Variants in MIOS observed in about 807,000 individuals in gnomAD.
MIOS encodes meiosis regulator for oocyte development, also known as GATOR2 complex protein MIOS.
MIOS carries 52 observed loss-of-function variants against 96.9 expected under a neutral mutation model. The observed-to-expected ratio is 0.54, with a 90% CI of 0.43 to 0.68. The LOEUF (loss-of-function observed/expected upper bound fraction) is 0.68. Ranked by LOEUF, MIOS falls within the 30% of genes least tolerant of loss-of-function variation. The pLI is 0.00. For synonymous variants in MIOS, 397 were observed against 359.5 expected, an observed-to-expected ratio of 1.10 and a Z score of -1.18; for missense variants, 1,005 against 1,052.8, an observed-to-expected ratio of 0.95 and a Z score of 0.63.
chr7:7,596,575 A>G (rs1245113403), intron 11 of MIOS, 114 bp downstream of exon 11: 2 of 1,029,110 alleles, frequency 1.9e-6, no homozygotes, highest in African/African-American at 1.6e-5. Flanking sequence ...AAGAAAGGGC[A>G]GTTTACTAGC....
At position 7,595,039 on chromosome 7, in the gene MIOS, A is replaced by T; in HGVS notation, c.2103A>T (p.Arg701Ser). ...ERVQYWIENY[R>S]NLLDAWRFWH... is the part of the protein sequence containing the mutation. ...TTCAGTACTGGATTGAGAATTATAG[A>T]AATTTATTAGATGCCTGGAGGTTTT... is the stretch of plus-strand genomic sequence containing the variant. The change falls in exon 10 of 13, where the codon AGA (arginine) becomes AGT (serine). Residue 701 changes from arginine (R) to serine (S), a missense_variant. Physicochemically the swap from Arg to Ser is moderately radical, Grantham distance 110. This residue lies in a region of MIOS where 865 missense variants were observed against 887.9 expected (regional missense o/e 0.97). Transcript: ENST00000340080. 6.2e-7 allele frequency: 1 copy of T among 1,613,868 alleles called. No individual in the cohort carries two copies. Among genetic ancestry groups the T allele is most frequent in the Non-Finnish European group, 8.5e-7 (1 of 1,179,802 alleles).
rs567905454 is a variant in MIOS, at chr7:7,570,199, A to G, written c.-41+2076A>G. Among the ~76,000 whole-genome samples, 3 of 152,322 alleles carry G rather than the reference A, an allele frequency of 2.0e-5. 1 individual carries two copies. The South Asian group carries it at 6.2e-4, about 32-fold the overall frequency. On this transcript the variant is annotated intron_variant, in intron 3 of 12. Coordinates refer to ENST00000340080, the MANE Select transcript of MIOS (RefSeq NM_019005.4). ...ACTGAAATCAGTTTTCAGAGGCTTG[A>G]GACTATCCTCTGTGTGGTAGCACTT...
chr7:7,601,911 G>T (rs1328002404), intron 11 of MIOS, among the ~76,000 whole-genome samples: 3 of 152,188 alleles, frequency 2.0e-5, no homozygotes, highest in Non-Finnish European at 4.4e-5. Flanking sequence ...TGCAAGGCTG[G>T]TTCAACATAC....
intron 11 of MIOS, among the ~76,000 whole-genome samples, chr7:7,598,357 T>C (rs942357880): frequency 3.9e-5 from 6 of 152,238 alleles, no homozygotes; most frequent in African/African-American, 1.4e-4. Context: ...TTAACATTTA[T>C]GAAAGACTTG....
rs142323728 is a variant in MIOS, at chr7:7,608,353, G to C, written c.*1261G>C. The C allele has an allele frequency of 6.6e-6, 1 of 151,940 alleles. No individual in the cohort carries two copies. The highest frequency in any genetic ancestry group is 1.5e-5 in the Non-Finnish European group (1 of 67,908). 9.4% of individuals were successfully genotyped at this position (151,940 alleles called of 1,614,324 possible). ...TAAAACAAGAATTTTAAGAGCTTTC[G>C]TATTAGCAGTTTTGCCTTATAAAAA... On this transcript the variant is annotated 3_prime_UTR_variant, in exon 13 of 13. Coordinates refer to ENST00000340080, the MANE Select transcript of MIOS (RefSeq NM_019005.4).
intron 7 of MIOS, among the ~76,000 whole-genome samples, chr7:7,588,083 C>T (rs1377655523): frequency 2.0e-5 from 3 of 152,094 alleles, no homozygotes; most frequent in African/African-American, 7.2e-5. Context: ...GTAGCCAATT[C>T]ACAAATTTCT....
In MIOS at chr7:7,607,382, A is replaced by C. The variant is rs1344498331; in HGVS notation, c.*290A>C. On this transcript the variant is annotated 3_prime_UTR_variant, in exon 13 of 13. Transcript: ENST00000340080. The stretch of plus-strand genomic sequence containing the variant: ...TGGTTGAAATTATGAACACTCTAGA[A>C]GCAGAATTTCTGGAAGAGCCAAGAA... The C allele has an allele frequency of 4.8e-6, 1 of 206,194 alleles. No individual in the cohort carries two copies. The highest frequency in any genetic ancestry group is 2.3e-5 in the African/African-American group (1 of 43,054). The allele number at this position is 206,194 out of a possible 1,614,324, so 12.8% of individuals were successfully genotyped here. A position where few individuals can be genotyped will look rare whatever the true frequency, so the allele number is the denominator to read the frequency against.
intron 11 of MIOS, among the ~76,000 whole-genome samples, chr7:7,597,517 T>TATATAAAAAA (rs372634070): frequency 0.015 from 1,051 of 70,422 alleles, 236 homozygotes; most frequent in East Asian, 0.035. Context: ...TATATATATA[T>TATATAAAAAA]GAAGGCAATA....
rs1420903289 is a variant in MIOS, at chr7:7,593,883, AAAAAAAAAAAAAG to A, written c.2044-1091_2044-1079del. On this transcript the variant is annotated intron_variant, in intron 9 of 12. Transcript: ENST00000340080. The stretch of plus-strand genomic sequence containing the variant: ...GACAGAGTGAGACTCTGTCTCCAAA[AAAAAAAAAAAAAG>A]AAAAAGAAAAGAAAAAAAGAAAACC... Among the ~76,000 whole-genome samples the A allele has an allele frequency of 4.6e-4, 59 of 128,118 alleles. 1 individual carries two copies. The highest frequency in any genetic ancestry group is 6.7e-4 in the Admixed American group (9 of 13,462). 84.1% of individuals were successfully genotyped at this position (128,118 alleles called of 152,430 possible). A position where few individuals can be genotyped will look rare whatever the true frequency, so the allele number is the denominator to read the frequency against.
At chr7:7,597,502 ATATATATATAT>A (rs1563041017) in intron 11 of MIOS, among the ~76,000 whole-genome samples, 4 of 72,748 alleles carry the variant, frequency 5.5e-5, no homozygotes, top group Non-Finnish European at 8.1e-5. Flanking sequence ...ATATATATAT[ATATATATATAT>A]ATATGAAGGC....
Position 7,573,450 on chromosome 7 carries a change from T to C in MIOS, c.975T>C (p.Ile325=). The C allele has an allele frequency of 6.2e-7, 1 of 1,614,142 alleles. No homozygotes were observed. Among genetic ancestry groups the C allele is most frequent in the Non-Finnish European group, 8.5e-7 (1 of 1,179,970 alleles). The stretch of plus-strand genomic sequence containing the variant: ...GTGTGCAACCTTGTGACAATTACAT[T>C]GCTTCCTTTGCGTGGCATCCAACAA... The part of the protein sequence containing the change: ...ERSVQPCDNY[I]ASFAWHPTSQ... Residue 325 remains isoleucine, a synonymous_variant, in exon 4 of 13, where the codon ATT becomes ATC. Transcript: ENST00000340080. This position sits in a 1 kb window ranked among gnomAD's most constrained non-coding sequence, Gnocchi z 5.0.
At chr7:7,606,110 T>C (rs553636686) in intron 12 of MIOS, 39 bp downstream of exon 12, 4 of 1,610,518 alleles carry the variant, frequency 2.5e-6, no homozygotes, top group East Asian at 4.5e-5. Context: ...CTTGGAGTTA[T>C]GGGGGATAAC....
At chr7:7,589,699 T>A in intron 9 of MIOS, 136 bp downstream of exon 9, 2 of 877,918 alleles carry the variant, frequency 2.3e-6, no homozygotes, top group Non-Finnish European at 3.4e-6. Flanking sequence ...TCAGTTGATC[T>A]ACTGAAGACT....
chr7:7,598,479 C>T lies in MIOS; in HGVS notation c.2401+2018C>T, dbSNP rs543975928. On this transcript the variant is annotated intron_variant, in intron 11 of 12. Coordinates refer to ENST00000340080, the MANE Select transcript of MIOS (RefSeq NM_019005.4). ...TTTTAGTTTTGATTTAAATTTTAAT[C>T]AAGGATTTTTATTTTATACATTACA... Among the ~76,000 whole-genome samples the T allele has an allele frequency of 4.6e-5, 7 of 151,570 alleles. No individual in the cohort carries two copies. The East Asian group carries it at 9.7e-4, about 21-fold the overall frequency.
chr7:7,605,951 A>C lies in MIOS; in HGVS notation c.2411A>C (p.Lys804Thr). 2 of 1,613,590 alleles carry C rather than the reference A, an allele frequency of 1.2e-6. No homozygotes were observed. Among genetic ancestry groups the C allele is most frequent in the Non-Finnish European group, 8.5e-7 (1 of 1,179,608 alleles). ...TTTTATTTTGTCATAGGAGGAACCA[A>C]ATCAGATGAAAAAGTGGACTTGAGC... The part of the protein sequence containing the change: ...TPVSSCPGGT[K>T]SDEKVDLSKD... Residue 804 changes from lysine to threonine, a missense_variant, in exon 12 of 13, where the codon AAA becomes ACA. This residue lies in a region of MIOS where 865 missense variants were observed against 887.9 expected (regional missense o/e 0.97). Coordinates refer to ENST00000340080, the MANE Select transcript of MIOS (RefSeq NM_019005.4).
Position 7,572,070 on chromosome 7 carries a change from A to G in MIOS, c.-40-366A>G, listed in dbSNP as rs183369480. On this transcript the variant is annotated intron_variant, in intron 3 of 12. Transcript: ENST00000340080. The surrounding 1 kb of genome is among the most constrained non-coding windows in gnomAD (Gnocchi z 4.8). ...AAACTATTGCTTAGGAATATGATTC[A>G]TAAGTTTTCCCCCCTTCAAAGGGAT... Among the ~76,000 whole-genome samples the G allele has an allele frequency of 4.7e-4, 71 of 152,350 alleles. No homozygotes were observed. Among genetic ancestry groups the G allele is most frequent in the Non-Finnish European group, 8.5e-4 (58 of 68,030 alleles).
chr7:7,593,499 A>G (rs901902382), intron 9 of MIOS, among the ~76,000 whole-genome samples: 1 of 152,104 alleles, frequency 6.6e-6, no homozygotes, highest in African/African-American at 2.4e-5. Context: ...ACTAACCTTC[A>G]GATTGATGCC....
intron 7 of MIOS, 113 bp downstream of exon 7, chr7:7,585,918 TGTTATTTAA>T: frequency 2.0e-6 from 2 of 1,005,772 alleles, no homozygotes; most frequent in Non-Finnish European, 2.8e-6. Flanking sequence ...TTTATGCATA[TGTTATTTAA>T]AATAAGGCAT....
chr7:7,573,144 TACAAAAGCTGTTCAGGGTGTG>T lies in MIOS; in HGVS notation c.672_692del (p.Lys225_Thr231del). Reference sequence around the variant, plus strand: ...ATACAAGCCAAAAGATGTTCGTAAATACAAAAGCTGTTCAGGGTGTGACGGTAGACCCATATTTCCACGATC... The same window carrying T: ...ATACAAGCCAAAAGATGTTCGTAAATACGGTAGACCCATATTTCCACGATC... On this transcript the variant is annotated inframe_deletion, in exon 4 of 13. Coordinates refer to ENST00000340080, the MANE Select transcript of MIOS (RefSeq NM_019005.4). This position sits in a 1 kb window ranked among gnomAD's most constrained non-coding sequence, Gnocchi z 5.0. 5 of 1,614,076 alleles carry T rather than the reference TACAAAAGCTGTTCAGGGTGTG, an allele frequency of 3.1e-6. No individual in the cohort carries two copies. Among genetic ancestry groups the T allele is most frequent in the Non-Finnish European group, 3.4e-6 (4 of 1,179,966 alleles).
Sources: allele counts gnomAD v4.1 joint callset (sites outside exome capture counted in the v4.1 genomes callset), GRCh38; gene constraint gnomAD v4.1.1; regional missense constraint gnomAD v4.1.1; non-coding constraint Gnocchi (gnomAD v3.1); transcripts MANE v1.5; gene names NCBI Gene and HGNC (gene_info 2026-07-23, HGNC 2026-07-21).